Variants in NLGN1 observed in about 807,000 individuals in gnomAD.
NLGN1 encodes the protein neuroligin-1.
NLGN1 carries 12 observed loss-of-function variants against 65.5 expected under a neutral mutation model. The observed-to-expected ratio is 0.18, with a 90% CI of 0.12 to 0.30. The LOEUF (loss-of-function observed/expected upper bound fraction) is 0.30, where lower values mean the gene tolerates loss of function less well. NLGN1 is among the 10% of genes least tolerant of loss of function. The pLI is 1.00. For synonymous variants in NLGN1, 350 were observed against 359.5 expected (o/e 0.97, Z 0.30); for missense variants, 750 against 1,007.1 (o/e 0.74, Z 3.46).
intron 4 of NLGN1, among the ~76,000 whole-genome samples, chr3:174,015,303 T>C (rs1172238714): frequency 6.6e-6 from 1 of 152,184 alleles, no homozygotes; most frequent in African/African-American, 2.4e-5. Flanking sequence ...AATTTATTTC[T>C]CACAGTTCTG....
intron 4 of NLGN1, among the ~76,000 whole-genome samples, chr3:174,119,227 A>G (rs1241682470): frequency 1.3e-5 from 2 of 152,156 alleles, no homozygotes; most frequent in African/African-American, 2.4e-5. Flanking sequence ...AGAGTTTTGT[A>G]TGTGAATTTC....
At chr3:173,887,849 T>C (rs1204873270) in intron 4 of NLGN1, among the ~76,000 whole-genome samples, 1 of 151,548 alleles carries the variant, frequency 6.6e-6, no homozygotes, top group Non-Finnish European at 1.5e-5. Flanking sequence ...CTCAGAAAAT[T>C]TGACTACAAC....
chr3:173,858,797 G>C (rs1020872178), intron 4 of NLGN1, among the ~76,000 whole-genome samples: 1 of 151,956 alleles, frequency 6.6e-6, no homozygotes, highest in East Asian at 1.9e-4. Flanking sequence ...GTTTATATAA[G>C]TAGCACCGGA....
At chr3:173,757,205 G>T (rs1777269649) in intron 3 of NLGN1, among the ~76,000 whole-genome samples, 1 of 151,920 alleles carries the variant, frequency 6.6e-6, no homozygotes, top group Non-Finnish European at 1.5e-5. Context: ...GAAACCATTG[G>T]ATGAAAGGTT....
At chr3:173,559,944 T>A (rs1259612874) in intron 2 of NLGN1, among the ~76,000 whole-genome samples, 1 of 26,144 alleles carries the variant, frequency 3.8e-5, no homozygotes, top group African/African-American at 2.2e-4. Flanking sequence ...TAGATACACT[T>A]TTTTTTTTTT....
intron 2 of NLGN1, among the ~76,000 whole-genome samples, chr3:173,588,326 C>T (rs1407272717): frequency 6.6e-6 from 1 of 152,074 alleles, no homozygotes; most frequent in Non-Finnish European, 1.5e-5. Flanking sequence ...AACCCATTTG[C>T]TGGTCACTTT....
chr3:174,026,949 CATTT>C (rs1457124083), intron 4 of NLGN1, among the ~76,000 whole-genome samples: 2 of 151,574 alleles, frequency 1.3e-5, no homozygotes, highest in African/African-American at 4.8e-5. Flanking sequence ...AATTCAAATA[CATTT>C]ATTAAGCAGC....
chr3:173,616,084 C>T (rs9831567), intron 3 of NLGN1, among the ~76,000 whole-genome samples: 1,932 of 145,534 alleles, frequency 0.013, 59 homozygotes, highest in African/African-American at 0.047. Flanking sequence ...AGGGAACACA[C>T]AGGAGAGGTA....
chr3:173,693,040 T>C (rs1765696966), intron 3 of NLGN1, among the ~76,000 whole-genome samples: 1 of 152,124 alleles, frequency 6.6e-6, no homozygotes, highest in South Asian at 2.1e-4. Flanking sequence ...GATTTGTTAC[T>C]TGATTACCTC....
rs575266061 is a variant in NLGN1, at chr3:173,550,872, C to T, written c.-320-53407C>T. 1.4e-4 allele frequency among the ~76,000 whole-genome samples: 21 copies of T among 152,224 alleles called. No homozygotes were observed. In the East Asian group the frequency reaches 2.1e-3, roughly 15 times the overall value. ...TATATATTATAACCTATTCACTTTT[C>T]GCTACATTGTATAAGGGATACATTT... On this transcript the variant is annotated intron_variant, in intron 2 of 6. Coordinates refer to ENST00000457714, the Ensembl canonical transcript of NLGN1.
chr3:174,230,118 T>C (rs1049829595), intron 4 of NLGN1, among the ~76,000 whole-genome samples: 32 of 152,220 alleles, frequency 2.1e-4, no homozygotes, highest in African/African-American at 7.5e-4. Context: ...GCAATAAGAC[T>C]CTCACACTGA....
At chr3:173,711,877 G>A (rs140120333) in intron 3 of NLGN1, among the ~76,000 whole-genome samples, 134 of 152,250 alleles carry the variant, frequency 8.8e-4, no homozygotes, top group African/African-American at 2.9e-3. Flanking sequence ...AGCTCTTTAC[G>A]CTTTCCCAGA....
intron 4 of NLGN1, among the ~76,000 whole-genome samples, chr3:174,038,298 AC>A (rs2152485019): frequency 6.6e-6 from 1 of 152,324 alleles, no homozygotes; most frequent in African/African-American, 2.4e-5. Flanking sequence ...TCGCTCTGCA[AC>A]CAACAGACAG....
intron 4 of NLGN1, among the ~76,000 whole-genome samples, chr3:174,056,728 A>G (rs890585843): frequency 3.3e-5 from 5 of 152,042 alleles, no homozygotes; most frequent in African/African-American, 1.2e-4. Context: ...ACGTTCAAGC[A>G]CTATATTTCA....
intron 2 of NLGN1, among the ~76,000 whole-genome samples, chr3:173,468,162 G>T (rs1220350379): frequency 6.6e-6 from 1 of 152,048 alleles, no homozygotes; most frequent in Non-Finnish European, 1.5e-5. Flanking sequence ...TTCAGCACTT[G>T]ATATGGTGTC....
chr3:173,869,129 A>T (rs1027228012), intron 4 of NLGN1, among the ~76,000 whole-genome samples: 2 of 152,198 alleles, frequency 1.3e-5, no homozygotes, highest in Non-Finnish European at 2.9e-5. Flanking sequence ...ACTGCAGAAG[A>T]TATTATTCAG....
At chr3:174,101,560 T>C (rs1231125963) in intron 4 of NLGN1, among the ~76,000 whole-genome samples, 2 of 152,190 alleles carry the variant, frequency 1.3e-5, no homozygotes, top group African/African-American at 4.8e-5. Context: ...TAAACAACTT[T>C]CAATGAATCA....
intron 4 of NLGN1, among the ~76,000 whole-genome samples, chr3:173,821,388 A>G (rs1301598215): frequency 6.6e-6 from 1 of 152,164 alleles, no homozygotes; most frequent in Non-Finnish European, 1.5e-5. Flanking sequence ...ATTTTCTGAC[A>G]GGAATAAGAG....
intron 3 of NLGN1, among the ~76,000 whole-genome samples, chr3:173,688,588 T>C (rs759110375): frequency 6.6e-6 from 1 of 152,158 alleles, no homozygotes; most frequent in Non-Finnish European, 1.5e-5. Flanking sequence ...AATAAAGCTG[T>C]TTATCAAACA....
Sources: gnomAD v4.1 joint callset for allele counts (sites outside exome capture counted in the v4.1 genomes callset) on GRCh38, gnomAD v4.1.1 for gene constraint, MANE v1.5 for transcripts, NCBI Gene and HGNC (gene_info 2026-07-23, HGNC 2026-07-21) for gene names.